PRPF4: variants seen among roughly 807,000 people sequenced by gnomAD.
PRPF4 encodes pre-mRNA splicing tri-snRNP complex factor PRPF4, also known as U4/U6 small nuclear ribonucleoprotein Prp4.
A neutral mutation model predicts 72.2 loss-of-function variants in PRPF4; 14 were observed. The observed-to-expected ratio is 0.19, with a 90% confidence interval of 0.13 to 0.30. The LOEUF is 0.30. Ranked by LOEUF, PRPF4 falls within the 10% of genes least tolerant of loss-of-function variation. The pLI is 1.00. For synonymous variants in PRPF4, 225 were observed against 232.2 expected (o/e 0.97, Z 0.28); for missense variants, 478 against 653.9 (o/e 0.73, Z 2.93).
chr9:113,281,107 C>T (rs573008285), intron 3 of PRPF4, among the ~76,000 whole-genome samples: 2 of 152,284 alleles, frequency 1.3e-5, no homozygotes, highest in East Asian at 3.9e-4. Context: ...GATCCGCCTG[C>T]CTGGGCCTCC....
Position 113,276,404 on chromosome 9 carries a change from GAGCGTCTTAAGT to G in PRPF4, c.28-141_28-130del, listed in dbSNP as rs1324883549. 3.0e-5 allele frequency: 25 copies of G among 828,482 alleles called. No individual in the cohort carries two copies. In the African/African-American group the frequency reaches 4.1e-4, roughly 14 times the overall value. The allele number at this position is 828,482 out of a possible 1,614,324, so 51.3% of individuals were successfully genotyped here. ...ACCTTCACCTCCTCAAATCAATGAA[GAGCGTCTTAAGT>G]AGTGTCCAATTTGTCCTTTCAATTA... is the stretch of plus-strand genomic sequence containing the variant. On this transcript the variant is annotated intron_variant, in intron 1 of 13. Coordinates refer to ENST00000374198, the MANE Select transcript of PRPF4 (RefSeq NM_001244926.2).
At chr9:113,276,100 A>G (rs991747816) in intron 1 of PRPF4, among the ~76,000 whole-genome samples, 2 of 152,200 alleles carry the variant, frequency 1.3e-5, no homozygotes, top group African/African-American at 4.8e-5. Context: ...GAGACCTACT[A>G]ACTCCTACTA....
intron 2 of PRPF4, among the ~76,000 whole-genome samples, chr9:113,277,608 A>G (rs998830552): frequency 1.3e-5 from 2 of 151,772 alleles, no homozygotes; most frequent in African/African-American, 4.8e-5. Flanking sequence ...CTGGTCTCCA[A>G]CTCCTGACCT....
rs141534953 is a variant in PRPF4, at chr9:113,284,459, C to T, written c.749+70C>T. On this transcript the variant is annotated intron_variant, in intron 7 of 13. Transcript: ENST00000374198. ...GGCTCAGGAAGAAAATTAGCATTTG[C>T]GTTAGACGTCTATTTCTACGTCCTC... 103 of 1,277,174 alleles carry T rather than the reference C, an allele frequency of 8.1e-5. No individual in the cohort carries two copies. The East Asian group carries it at 8.6e-4, about 11-fold the overall frequency. The allele number at this position is 1,277,174 out of a possible 1,614,324, so 79.1% of individuals were successfully genotyped here.
Position 113,276,681 on chromosome 9 carries a change from G to A in PRPF4, c.161G>A (p.Gly54Glu). Residue 54 changes from glycine to glutamate, a missense_variant, in exon 2 of 14, where the codon GGA (glycine) becomes GAA (glutamate). Physicochemically the swap from Gly to Glu is moderately conservative, Grantham distance 98. Transcript: ENST00000374198. ...GAGTCTGGGATTTTGGGGAAAGACG[G>A]ACTTAAAGCAGGGATCGAAGCTGGA... is the stretch of plus-strand genomic sequence containing the variant. ...KGESGILGKDGLKAGIEAGNI... is the reference protein window; with the variant it reads ...KGESGILGKDELKAGIEAGNI... The A allele has an allele frequency of 1.9e-6, 3 of 1,613,972 alleles. No homozygotes were observed. The highest frequency in any genetic ancestry group is 2.7e-5 in the African/African-American group (2 of 74,976).
At chr9:113,281,056 T>C (rs1230363653) in intron 3 of PRPF4, among the ~76,000 whole-genome samples, 2 of 152,072 alleles carry the variant, frequency 1.3e-5, no homozygotes, top group African/African-American at 4.8e-5. Flanking sequence ...GGCCAGGTGT[T>C]GAACACCTCC....
chr9:113,289,808 A>G (rs186687011), intron 10 of PRPF4, among the ~76,000 whole-genome samples: 12 of 152,320 alleles, frequency 7.9e-5, no homozygotes, highest in Admixed American at 5.2e-4. Flanking sequence ...TATCCCCAAC[A>G]TCCAATTTAG....
intron 7 of PRPF4, 125 bp from the exon 8 acceptor site, chr9:113,286,107 T>G: frequency 1.8e-6 from 2 of 1,110,412 alleles, no homozygotes; most frequent in Non-Finnish European, 2.7e-6. Context: ...AAGGCTTTTA[T>G]TTTTCTGTCA....
At chr9:113,278,863 C>T (rs1183657285) in intron 2 of PRPF4, 82 bp from the exon 3 acceptor site, 10 of 1,365,984 alleles carry the variant, frequency 7.3e-6, no homozygotes, top group Non-Finnish European at 9.3e-6. Flanking sequence ...TCCCTCAGGG[C>T]ATACACAGAC....
chr9:113,283,272 A>G, intron 5 of PRPF4, 61 bp downstream of exon 5: 4 of 1,613,994 alleles, frequency 2.5e-6, no homozygotes, highest in Non-Finnish European at 3.4e-6. Context: ...CCTCTCAGGA[A>G]CTGAGTGCTG....
rs550706483 is a variant in PRPF4, at chr9:113,275,692, C to G, written c.-52C>G. The stretch of plus-strand genomic sequence containing the variant: ...CTCTGCTGGGCGCGCGGTGGACGGT[C>G]TGAAAGGGAGTGTTCGGGTTTCGCT... On this transcript the variant is annotated 5_prime_UTR_variant, in exon 1 of 14. Coordinates refer to ENST00000374198, the MANE Select transcript of PRPF4 (RefSeq NM_001244926.2). 2.5e-6 allele frequency: 4 copies of G among 1,594,738 alleles called. No homozygotes were observed. The highest frequency in any genetic ancestry group is 1.1e-5 in the South Asian group (1 of 89,142).
chr9:113,281,846 C>T (rs1832292080), intron 3 of PRPF4, among the ~76,000 whole-genome samples: 1 of 152,102 alleles, frequency 6.6e-6, no homozygotes, highest in African/African-American at 2.4e-5. Flanking sequence ...CCCCTCTAGC[C>T]CTCTGTGCTT....
At chr9:113,286,168 T>C (rs1832443860) in intron 7 of PRPF4, 64 bp from the exon 8 acceptor site, 1 of 1,553,178 alleles carries the variant, frequency 6.4e-7, no homozygotes, top group Admixed American at 1.7e-5. Flanking sequence ...TTAGTAATAT[T>C]ACCAAGGTAC....
At chr9:113,279,681 G>T (rs551336946) in intron 3 of PRPF4, among the ~76,000 whole-genome samples, 8 of 152,222 alleles carry the variant, frequency 5.3e-5, no homozygotes, top group South Asian at 4.1e-4. Flanking sequence ...GAGCCTTCGT[G>T]CCTGGCCCGT....
At position 113,291,524 on chromosome 9, in the gene PRPF4, C is replaced by T. The variant is rs931601125; in HGVS notation, c.1430C>T (p.Thr477Met). 3.1e-6 allele frequency: 5 copies of T among 1,614,110 alleles called. No homozygotes were observed. The highest frequency in any genetic ancestry group is 2.2e-5 in the South Asian group (2 of 91,070). The change falls in exon 14 of 14, where the codon ACG (threonine) becomes ATG (methionine). Residue 477 changes from threonine to methionine, a missense_variant. Physicochemically the swap from Thr to Met is moderately conservative, Grantham distance 81. Transcript: ENST00000374198. ...GAYDNTAKIW[T>M]HPGWSPLKTL... is the part of the protein sequence containing the mutation. ...TATGATAACACAGCCAAGATCTGGA[C>T]GCACCCAGGCTGGTCCCCGCTGAAG...
chr9:113,291,838 G>T lies in PRPF4; in HGVS notation c.*178G>T. 1.6e-6 allele frequency: 1 copy of T among 611,562 alleles called. No homozygotes were observed. Among genetic ancestry groups the T allele is most frequent in the South Asian group, 2.2e-5 (1 of 44,894 alleles). 37.9% of individuals were successfully genotyped at this position (611,562 alleles called of 1,614,324 possible). A position where few individuals can be genotyped will look rare whatever the true frequency, so the allele number is the denominator to read the frequency against. On this transcript the variant is annotated 3_prime_UTR_variant, in exon 14 of 14. Transcript: ENST00000374198. ...TCCAGGAAGGCAGCCCAATCCCTAGGTGATGGGGAACCCCTCTCACGGTTG... is the reference window on the plus strand; with the variant it reads ...TCCAGGAAGGCAGCCCAATCCCTAGTTGATGGGGAACCCCTCTCACGGTTG...
chr9:113,277,795 A>T (rs1284295286), intron 2 of PRPF4, among the ~76,000 whole-genome samples: 1 of 152,168 alleles, frequency 6.6e-6, no homozygotes, highest in Non-Finnish European at 1.5e-5. Context: ...TGAGCCCAGG[A>T]ATCCAAGACC....
chr9:113,278,956 G>C lies in PRPF4; in HGVS notation c.217G>C (p.Glu73Gln). 6.2e-7 allele frequency: 1 copy of C among 1,614,190 alleles called. No individual in the cohort carries two copies. The highest frequency in any genetic ancestry group is 2.2e-5 in the East Asian group (1 of 44,886). ...NINITSGEVF[E>Q]IEEHISERQA... is the part of the protein sequence containing the mutation. Reference sequence around the variant, plus strand: ...TTTCTTTTTAATAGGAGAAGTGTTTGAAATTGAAGAGCATATCAGCGAGCG... The same window carrying C: ...TTTCTTTTTAATAGGAGAAGTGTTTCAAATTGAAGAGCATATCAGCGAGCG... Residue 73 changes from glutamate (E) to glutamine (Q), a missense_variant, in exon 3 of 14, where the codon GAA becomes CAA. Coordinates refer to ENST00000374198, the MANE Select transcript of PRPF4 (RefSeq NM_001244926.2).
chr9:113,289,549 T>C (rs985907562), intron 10 of PRPF4, among the ~76,000 whole-genome samples: 5 of 152,222 alleles, frequency 3.3e-5, no homozygotes, highest in African/African-American at 1.2e-4. Flanking sequence ...TTCATTCTTA[T>C]TACCCTGATC....
Sources: gnomAD v4.1 joint callset for allele counts (sites outside exome capture counted in the v4.1 genomes callset) on GRCh38, gnomAD v4.1.1 for gene constraint, MANE v1.5 for transcripts, NCBI Gene and HGNC (gene_info 2026-07-23, HGNC 2026-07-21) for gene names.